The following EBF3 variants were observed in gnomAD, a reference collection of about 807,000 sequenced individuals.
EBF3 encodes the protein EBF transcription factor 3, also known as transcription factor COE3.
A neutral mutation model predicts 77.1 loss-of-function variants in EBF3; 18 were observed. That is an observed-to-expected ratio of 0.23 (90% CI 0.16 to 0.35). The LOEUF (loss-of-function observed/expected upper bound fraction) is 0.35, where lower values mean the gene tolerates loss of function less well. Among genes scored for constraint, EBF3 ranks in the 10% least tolerant of loss-of-function variants. The probability of loss-of-function intolerance (pLI) is 1.00; values close to 1 mark genes in which losing one functional copy is unlikely to be tolerated. For missense variants in EBF3, 558 were observed against 860.0 expected (o/e 0.65, Z 4.39); for synonymous variants, 350 against 343.5 (o/e 1.02, Z -0.21).
chr10:129,961,804 C>T (rs1232662586), intron 4 of EBF3, among the ~76,000 whole-genome samples: 1 of 151,970 alleles, frequency 6.6e-6, no homozygotes, highest in Non-Finnish European at 1.5e-5. Context: ...AGTTAGCTGC[C>T]TTTGTTATAG....
chr10:129,838,451 G>A (rs1849762143), intron 16 of EBF3, among the ~76,000 whole-genome samples: 1 of 152,222 alleles, frequency 6.6e-6, no homozygotes, highest in Non-Finnish European at 1.5e-5. Flanking sequence ...TTCCAGGTCT[G>A]GGCTCTGACC....
intron 6 of EBF3, among the ~76,000 whole-genome samples, chr10:129,899,944 A>AT (rs1227172108): frequency 3.9e-5 from 6 of 152,264 alleles, no homozygotes; most frequent in South Asian, 4.1e-4. Flanking sequence ...TTTGGAGGAA[A>AT]TTCAGATGTG....
At chr10:129,945,825 A>G (rs1232875155) in intron 6 of EBF3, among the ~76,000 whole-genome samples, 1 of 152,130 alleles carries the variant, frequency 6.6e-6, no homozygotes, top group Non-Finnish European at 1.5e-5. Flanking sequence ...ATTTATGATC[A>G]TTATTTTCGC....
chr10:129,903,852 C>G (rs1305205954), intron 6 of EBF3, among the ~76,000 whole-genome samples: 1 of 152,158 alleles, frequency 6.6e-6, no homozygotes, highest in African/African-American at 2.4e-5. Context: ...GGAGAGGAGT[C>G]TCAGATAGAA....
At chr10:129,869,779 C>T (rs912546326) in intron 8 of EBF3, among the ~76,000 whole-genome samples, 28 of 152,224 alleles carry the variant, frequency 1.8e-4, no homozygotes, top group Non-Finnish European at 1.5e-5. Flanking sequence ...GCAGCAGAGG[C>T]GCAGAGCACA....
At chr10:129,910,004 T>C (rs1321358476) in intron 6 of EBF3, among the ~76,000 whole-genome samples, 1 of 152,212 alleles carries the variant, frequency 6.6e-6, no homozygotes, top group Non-Finnish European at 1.5e-5. Context: ...TCAGCGCCGA[T>C]GACAGATCCG....
chr10:129,873,944 T>C (rs1852581514), intron 7 of EBF3, among the ~76,000 whole-genome samples: 1 of 152,214 alleles, frequency 6.6e-6, no homozygotes, highest in African/African-American at 2.4e-5. Flanking sequence ...GCTGTTTTGA[T>C]TGATCTGTTC....
chr10:129,847,807 G>A (rs564514905), intron 11 of EBF3, among the ~76,000 whole-genome samples: 4 of 152,168 alleles, frequency 2.6e-5, no homozygotes, highest in Non-Finnish European at 5.9e-5. Flanking sequence ...GATATGTGGC[G>A]TGTGCATAAA....
chr10:129,844,214 C>T (rs531866006), intron 11 of EBF3, among the ~76,000 whole-genome samples: 16 of 150,942 alleles, frequency 1.1e-4, no homozygotes, highest in African/African-American at 3.2e-4. Context: ...GAGAGCTCTG[C>T]GGTCTAGGAG....
chr10:129,935,982 C>G lies in EBF3; in HGVS notation c.554+21276G>C, dbSNP rs971040203. Among the ~76,000 whole-genome samples the G allele has an allele frequency of 4.6e-5, 7 of 150,784 alleles. No individual in the cohort carries two copies. The highest frequency in any genetic ancestry group is 4.6e-4 in the Admixed American group (7 of 15,260). On this transcript the variant is annotated intron_variant, in intron 6 of 16. Transcript: ENST00000440978. The surrounding 1 kb of genome is among the most constrained non-coding windows in gnomAD (Gnocchi z 4.2). ...ATCGGGGGGCTTCCTGAAGCTGCCC[C>G]CCCCGCCCAACAATGCAGCTGGTGC...
At position 129,841,024 on chromosome 10, in the gene EBF3, T is replaced by C. The variant is rs1406490086; in HGVS notation, c.1381A>G (p.Ser461Gly). ...TSQANDQVGY[S>G]RNTSSVSPRG... ...GGGGACACGCTGCTTGTATTGCGAC[T>C]GTAGCCGACTGTTGAAATCCCCCCC... Residue 461 changes from serine (S) to glycine (G), a missense_variant, in exon 14 of 17, where the codon AGT (serine) becomes GGT (glycine). Physicochemically the swap from Ser to Gly is moderately conservative, Grantham distance 56. Around this residue, in one of 5 missense-constraint regions of EBF3, gnomAD observed 284 missense variants for 368.3 expected, o/e 0.77. Coordinates refer to ENST00000440978, the MANE Select transcript of EBF3 (RefSeq NM_001375380.1). This position sits in a 1 kb window ranked among gnomAD's most constrained non-coding sequence, Gnocchi z 4.6. 1.3e-6 allele frequency: 2 copies of C among 1,590,484 alleles called. No homozygotes were observed. The highest frequency in any genetic ancestry group is 2.3e-5 in the East Asian group (1 of 44,132).
rs977254278 is a variant in EBF3 at position 129,841,866 on chromosome 10, C to G, written c.1372+250G>C. Among the ~76,000 whole-genome samples, 1 of 152,170 alleles carries G rather than the reference C, an allele frequency of 6.6e-6. No homozygotes were observed. Among genetic ancestry groups the G allele is most frequent in the Non-Finnish European group, 1.5e-5 (1 of 68,024 alleles). On this transcript the variant is annotated intron_variant, in intron 13 of 16. Coordinates refer to ENST00000440978, the MANE Select transcript of EBF3 (RefSeq NM_001375380.1). This position sits in a 1 kb window ranked among gnomAD's most constrained non-coding sequence, Gnocchi z 4.6. ...CATTGAGGGAAACTTCTAGCAAATA[C>G]CAGTGACCCGCATGGCATCCATTGG... is the stretch of plus-strand genomic sequence containing the variant.
intron 11 of EBF3, among the ~76,000 whole-genome samples, chr10:129,846,950 TA>T (rs1397719716): frequency 1.3e-5 from 2 of 151,958 alleles, no homozygotes; most frequent in Non-Finnish European, 2.9e-5. Context: ...GGAGGGCTGG[TA>T]GGCTTCCCAG....
chr10:129,959,125 TG>T, intron 4 of EBF3, 118 bp from the exon 5 acceptor site: 2 of 1,242,542 alleles, frequency 1.6e-6, no homozygotes, highest in Non-Finnish European at 2.3e-6. Flanking sequence ...GGGGAGGCGA[TG>T]CGCCCCCCTC....
At chr10:129,929,906 G>T (rs1215569655) in intron 6 of EBF3, among the ~76,000 whole-genome samples, 1 of 152,242 alleles carries the variant, frequency 6.6e-6, no homozygotes, top group Non-Finnish European at 1.5e-5. Flanking sequence ...GTCTGTGAGG[G>T]TGTTTCCAGA....
intron 6 of EBF3, among the ~76,000 whole-genome samples, chr10:129,933,052 T>G (rs928025984): frequency 6.6e-6 from 1 of 152,122 alleles, no homozygotes; most frequent in Admixed American, 6.6e-5. Flanking sequence ...ATCATAAATA[T>G]AGAGAAAGTG....
intron 6 of EBF3, among the ~76,000 whole-genome samples, chr10:129,939,853 A>G (rs1216634918): frequency 1.3e-5 from 2 of 152,212 alleles, no homozygotes; most frequent in Admixed American, 1.3e-4. Flanking sequence ...TGCACTTAGG[A>G]GCAAAATCTT....
At position 129,944,194 on chromosome 10, in the gene EBF3, G is replaced by A. The variant is rs943917648; in HGVS notation, c.554+13064C>T. On this transcript the variant is annotated intron_variant, in intron 6 of 16. Transcript: ENST00000440978. The surrounding 1 kb of genome is among the most constrained non-coding windows in gnomAD (Gnocchi z 5.1). The stretch of plus-strand genomic sequence containing the variant: ...AAGAATAAAATCAATTTGCAAGGCC[G>A]GTCCGGCATCCAGTTACAATAACAT... Among the ~76,000 whole-genome samples, 29 of 152,078 alleles carry A rather than the reference G, an allele frequency of 1.9e-4. No homozygotes were observed. Among genetic ancestry groups the A allele is most frequent in the African/African-American group, 5.3e-4 (22 of 41,394 alleles).
chr10:129,941,435 T>G (rs538247176), intron 6 of EBF3, among the ~76,000 whole-genome samples: 59 of 152,300 alleles, frequency 3.9e-4, no homozygotes, highest in Middle Eastern at 3.4e-3. Context: ...CCAGCAGCCC[T>G]TCTTGAGGCC....
Sources: allele counts gnomAD v4.1 joint callset (sites outside exome capture counted in the v4.1 genomes callset), GRCh38; gene constraint gnomAD v4.1.1; regional missense constraint gnomAD v4.1.1; non-coding constraint Gnocchi (gnomAD v3.1); transcripts MANE v1.5; gene names NCBI Gene and HGNC (gene_info 2026-07-23, HGNC 2026-07-21).